The following TRPM1 variants were observed in gnomAD, a reference collection of about 807,000 sequenced individuals.
The protein encoded by TRPM1 is transient receptor potential cation channel subfamily M member 1.
In TRPM1, 113 loss-of-function variants were observed where a neutral mutation model predicts 149.4. The ratio of observed to expected loss-of-function variants is 0.76; its 90% confidence interval spans 0.65 to 0.88. The LOEUF (loss-of-function observed/expected upper bound fraction) is 0.88. Among genes scored for constraint, TRPM1 ranks in the 40% least tolerant of loss-of-function variants. The pLI is 0.00. For missense variants in TRPM1, 1,976 were observed against 2,038.7 expected, an observed-to-expected ratio of 0.97 and a Z score of 0.59; for synonymous variants, 741 against 759.5, an observed-to-expected ratio of 0.98 and a Z score of 0.40.
intron 1 of TRPM1, among the ~76,000 whole-genome samples, chr15:31,147,971 A>G (rs2036243839): frequency 6.6e-6 from 1 of 152,152 alleles, no homozygotes; most frequent in African/African-American, 2.4e-5. Context: ...TGCCTGTGGC[A>G]TTGCTGGGAC....
intron 16 of TRPM1, among the ~76,000 whole-genome samples, chr15:31,043,836 C>CAG (rs1421698243): frequency 1.3e-5 from 2 of 151,404 alleles, no homozygotes; most frequent in Non-Finnish European, 2.9e-5. Flanking sequence ...TAAAAACTGC[C>CAG]AGAGAGAGAA....
intron 1 of TRPM1, among the ~76,000 whole-genome samples, chr15:31,132,471 C>T (rs781333865): frequency 1.7e-4 from 26 of 152,298 alleles, no homozygotes; most frequent in Middle Eastern, 6.8e-3. Context: ...ATCAGGGCTC[C>T]GATTACCACT....
chr15:31,026,127 C>T lies in TRPM1; in HGVS notation c.3629+12G>A, dbSNP rs753660893. The T allele has an allele frequency of 6.8e-6, 11 of 1,610,092 alleles. No individual in the cohort carries two copies. The highest frequency in any genetic ancestry group is 1.3e-5 in the African/African-American group (1 of 75,038). On this transcript the variant is annotated intron_variant, in intron 27 of 27. Coordinates refer to ENST00000256552, the MANE Select transcript of TRPM1 (RefSeq NM_001252024.2). ...TTGGCTCACGGGCCCGCGGTGGGGA[C>T]GCTACACGTACCTTTCAGAAGTGAC...
At chr15:31,015,010 G>T (rs902412600) in intron 27 of TRPM1, among the ~76,000 whole-genome samples, 6 of 151,728 alleles carry the variant, frequency 4.0e-5, no homozygotes, top group Admixed American at 2.6e-4. Context: ...GTGGGGGTGG[G>T]GCTATGGGAC....
rs1165018199 is a variant in TRPM1, at chr15:31,161,081, TCGGCGGCAGCCCCACGCA to T, written c.-140_-123del. The T allele has an allele frequency of 2.9e-5, 29 of 998,804 alleles. 1 individual carries two copies. The African/African-American group carries it at 3.8e-4, about 13-fold the overall frequency. 61.9% of individuals were successfully genotyped at this position (998,804 alleles called of 1,614,324 possible). A position where few individuals can be genotyped will look rare whatever the true frequency, so the allele number is the denominator to read the frequency against. Reference sequence around the variant, plus strand: ...CACACACTCGGCGGCAGCCCCACACTCGGCGGCAGCCCCACGCACTGGGCGAGGGGGCCGAGATCCTGG... The same window carrying T: ...CACACACTCGGCGGCAGCCCCACACTCTGGGCGAGGGGGCCGAGATCCTGG... On this transcript the variant is annotated 5_prime_UTR_variant, in exon 1 of 27. Coordinates refer to the TRPM1 transcript ENST00000542188.
Position 31,032,913 on chromosome 15 carries a change from T to G in TRPM1, c.2728A>C (p.Ser910Arg), listed in dbSNP as rs1056966629. 6.2e-7 allele frequency: 1 copy of G among 1,614,120 alleles called. No homozygotes were observed. Among genetic ancestry groups the G allele is most frequent in the Non-Finnish European group, 8.5e-7 (1 of 1,180,054 alleles). ...TGAAGCCAAACTTTGATTTTCTGGC[T>G]GAGTTTGCCTGGTTCTGACATGAGG... ...EILMSEPGKL[S>R]QKIKVWLQEY... Residue 910 changes from serine (S) to arginine (R), a missense_variant, in exon 22 of 28, where the codon AGC (serine) becomes CGC (arginine). Around this residue, in one of 3 missense-constraint regions of TRPM1, gnomAD observed 1,332 missense variants for 1,347.1 expected, o/e 0.99. Coordinates refer to ENST00000256552, the MANE Select transcript of TRPM1 (RefSeq NM_001252024.2).
intron 1 of TRPM1, among the ~76,000 whole-genome samples, chr15:31,127,073 G>C (rs1025192997): frequency 7.2e-5 from 11 of 152,206 alleles, no homozygotes; most frequent in African/African-American, 2.7e-4. Flanking sequence ...TTCTCAGCTG[G>C]AGAAATCAAG....
intron 27 of TRPM1, among the ~76,000 whole-genome samples, chr15:31,015,926 C>T (rs2032341351): frequency 6.6e-6 from 1 of 152,138 alleles, no homozygotes; most frequent in African/African-American, 2.4e-5. Flanking sequence ...CCTTTGCAAA[C>T]ATGCCGTCAT....
chr15:31,028,415 G>A lies in TRPM1; in HGVS notation c.3210C>T (p.Gly1070=), dbSNP rs768113210. 9.9e-6 allele frequency: 16 copies of A among 1,613,986 alleles called. No homozygotes were observed. Among genetic ancestry groups the A allele is most frequent in the East Asian group, 2.2e-5 (1 of 44,896 alleles). The change falls in exon 25 of 28, where the codon GGC becomes GGT. Residue 1070 remains glycine (G), a synonymous_variant. Transcript: ENST00000256552. ...CCATGAGTGCTGGAGTGAGCCAGGC[G>A]CCGGGGATACAGGGAGGAAGCCGCT... ...EGKRLPPCIP[G]AWLTPALMAC...
intron 11 of TRPM1, among the ~76,000 whole-genome samples, chr15:31,059,772 A>G (rs145521763): frequency 1.7e-4 from 26 of 152,356 alleles, no homozygotes; most frequent in African/African-American, 6.0e-4. Flanking sequence ...CATAAGCAGC[A>G]GAGCCCTTTT....
intron 1 of TRPM1, among the ~76,000 whole-genome samples, chr15:31,139,335 T>A (rs2036129364): frequency 6.6e-6 from 1 of 152,220 alleles, no homozygotes; most frequent in Non-Finnish European, 1.5e-5. Context: ...AATTTGGTGT[T>A]GCCTAGATAA....
At chr15:31,036,198 G>T (rs1327598266) in intron 20 of TRPM1, among the ~76,000 whole-genome samples, 1 of 152,070 alleles carries the variant, frequency 6.6e-6, no homozygotes, top group Non-Finnish European at 1.5e-5. Flanking sequence ...GGCCACAGCA[G>T]GGCCCCTATC....
chr15:31,090,001 A>T (rs1451181960), intron 1 of TRPM1, among the ~76,000 whole-genome samples: 1 of 152,208 alleles, frequency 6.6e-6, no homozygotes, highest in African/African-American at 2.4e-5. Context: ...AACAAATGAA[A>T]AAACCCTAAA....
intron 27 of TRPM1, among the ~76,000 whole-genome samples, chr15:31,014,100 T>G (rs1364851962): frequency 6.6e-6 from 1 of 152,188 alleles, no homozygotes; most frequent in African/African-American, 2.4e-5. Context: ...TGCATGCACA[T>G]AGCTTTCTAA....
At chr15:31,121,991 C>T (rs1277839875) in intron 1 of TRPM1, among the ~76,000 whole-genome samples, 1 of 152,100 alleles carries the variant, frequency 6.6e-6, no homozygotes, top group Non-Finnish European at 1.5e-5. Flanking sequence ...TACACCATGA[C>T]CAAATTAGAT....
chr15:31,038,482 G>A (rs886324853), intron 18 of TRPM1, among the ~76,000 whole-genome samples: 1 of 152,222 alleles, frequency 6.6e-6, no homozygotes, highest in African/African-American at 2.4e-5. Context: ...GGAGGCCAAG[G>A]TTGGTGGCTC....
chr15:31,045,907 G>C lies in TRPM1; in HGVS notation c.1794+297C>G, dbSNP rs550160093. Among the ~76,000 whole-genome samples the C allele has an allele frequency of 2.0e-5, 3 of 152,172 alleles. No individual in the cohort carries two copies. The East Asian group carries it at 5.8e-4, about 29-fold the overall frequency. On this transcript the variant is annotated intron_variant, in intron 16 of 27. Transcript: ENST00000256552. ...AAAATAGTCTATTGAATTCTTTTTG[G>C]TGTTATTTTTGGTTTTTTACTTATG...
intron 1 of TRPM1, among the ~76,000 whole-genome samples, chr15:31,126,466 C>T (rs2035952682): frequency 6.6e-6 from 1 of 152,136 alleles, no homozygotes; most frequent in Non-Finnish European, 1.5e-5. Flanking sequence ...TTCTCCTCCC[C>T]ACTCCTCTTC....
intron 11 of TRPM1, among the ~76,000 whole-genome samples, chr15:31,051,287 C>G (rs147702929): frequency 6.6e-6 from 1 of 152,174 alleles, no homozygotes; most frequent in Non-Finnish European, 1.5e-5. Flanking sequence ...CCTAAACAAC[C>G]GGACCCTCCA....
Sources: allele counts gnomAD v4.1 joint callset (sites outside exome capture counted in the v4.1 genomes callset), GRCh38; gene constraint gnomAD v4.1.1; regional missense constraint gnomAD v4.1.1; transcripts MANE v1.5; gene names NCBI Gene and HGNC (gene_info 2026-07-23, HGNC 2026-07-21).